PLPPR5: variants seen among roughly 807,000 people sequenced by gnomAD.
PLPPR5 encodes the protein phospholipid phosphatase-related protein type 5.
Under a neutral mutation model 33.9 loss-of-function variants are expected in PLPPR5, and 16 were observed. That is an observed-to-expected ratio of 0.47 (90% CI 0.32 to 0.72). PLPPR5 has a LOEUF of 0.72. Among genes scored for constraint, PLPPR5 ranks in the 30% least tolerant of loss-of-function variants. PLPPR5 has a pLI of 0.03. For synonymous variants in PLPPR5, 163 were observed against 150.3 expected, an observed-to-expected ratio of 1.08 and a Z score of -0.62; for missense variants, 301 against 406.7, an observed-to-expected ratio of 0.74 and a Z score of 2.23.
At chr1:98,911,388 C>A (rs750974163) in intron 5 of PLPPR5, among the ~76,000 whole-genome samples, 3 of 152,116 alleles carry the variant, frequency 2.0e-5, no homozygotes, top group Non-Finnish European at 4.4e-5. Flanking sequence ...TGCCACTTAA[C>A]CTAATATGTA....
chr1:98,941,296 G>T (rs1281453369), intron 3 of PLPPR5, among the ~76,000 whole-genome samples: 1 of 151,726 alleles, frequency 6.6e-6, no homozygotes, highest in Non-Finnish European at 1.5e-5. Context: ...ATAATTAAGA[G>T]TATCTATGCT....
rs140797261 is a variant in PLPPR5, at chr1:98,932,939, T to C, written c.622-10881A>G. On this transcript the variant is annotated intron_variant, in intron 3 of 5. Coordinates refer to ENST00000263177, the MANE Select transcript of PLPPR5 (RefSeq NM_001037317.2). ...ACACTCCTTTATCTGAGCCCTCAAGTAGAGAAGTATTTCAGCATTCAGAAC... is the reference window on the plus strand; with the variant it reads ...ACACTCCTTTATCTGAGCCCTCAAGCAGAGAAGTATTTCAGCATTCAGAAC... 6.0e-3 allele frequency among the ~76,000 whole-genome samples: 916 copies of C among 152,210 alleles called. 5 individuals carry two copies. The highest frequency in any genetic ancestry group is 9.9e-3 in the Non-Finnish European group (675 of 68,000).
intron 3 of PLPPR5, among the ~76,000 whole-genome samples, chr1:98,925,440 G>T (rs931949341): frequency 9.2e-5 from 14 of 152,130 alleles, no homozygotes; most frequent in East Asian, 5.8e-4. Flanking sequence ...CTGATCATTT[G>T]CTCCCTGTTA....
At chr1:98,934,700 C>T (rs1650112874) in intron 3 of PLPPR5, among the ~76,000 whole-genome samples, 1 of 152,204 alleles carries the variant, frequency 6.6e-6, no homozygotes, top group Admixed American at 6.5e-5. Context: ...AAATAGAAGT[C>T]ACGTTGATCA....
intron 5 of PLPPR5, among the ~76,000 whole-genome samples, chr1:98,907,740 T>A (rs1158915530): frequency 6.6e-6 from 1 of 152,130 alleles, no homozygotes. Flanking sequence ...GAGGATGTAG[T>A]TTTATGTCAT....
rs1651677474 is a variant in PLPPR5, at chr1:98,971,940, GT to G, written c.238-15200del. ...TGGTCTCACCACTGGGACCATCTGT[GT>G]TTCTGACTGGTGACAACAATTCAGA... On this transcript the variant is annotated intron_variant, in intron 1 of 5. Transcript: ENST00000263177. Among the ~76,000 whole-genome samples the G allele has an allele frequency of 1.3e-5, 2 of 152,170 alleles. 1 individual carries two copies. Among genetic ancestry groups the G allele is most frequent in the South Asian group, 4.1e-4 (2 of 4,826 alleles).
At chr1:98,903,541 G>A (rs1648779118) in intron 5 of PLPPR5, among the ~76,000 whole-genome samples, 1 of 152,018 alleles carries the variant, frequency 6.6e-6, no homozygotes, top group Non-Finnish European at 1.5e-5. Context: ...TTATACTACA[G>A]TATTTCCTGC....
At chr1:98,947,248 A>G (rs1045502204) in intron 3 of PLPPR5, among the ~76,000 whole-genome samples, 1 of 152,192 alleles carries the variant, frequency 6.6e-6, no homozygotes, top group African/African-American at 2.4e-5. Flanking sequence ...CTGGGAGTAC[A>G]CTAAGTCATT....
chr1:98,929,524 G>C (rs895072119), intron 3 of PLPPR5, among the ~76,000 whole-genome samples: 22 of 152,168 alleles, frequency 1.4e-4, no homozygotes, highest in Non-Finnish European at 2.4e-4. Context: ...AAAACACTAA[G>C]GAGTCACAAA....
chr1:98,911,748 C>T (rs1022583932), intron 5 of PLPPR5, among the ~76,000 whole-genome samples: 7 of 151,848 alleles, frequency 4.6e-5, no homozygotes, highest in African/African-American at 1.7e-4. Context: ...CTATATTTCA[C>T]AACCCTTTTT....
chr1:98,904,959 CTT>C (rs1220729707), intron 5 of PLPPR5, among the ~76,000 whole-genome samples: 2 of 152,200 alleles, frequency 1.3e-5, no homozygotes, highest in African/African-American at 4.8e-5. Flanking sequence ...TAACAGCAGA[CTT>C]TGCCAAATGA....
intron 1 of PLPPR5, among the ~76,000 whole-genome samples, chr1:98,984,216 C>G (rs1374266198): frequency 6.6e-6 from 1 of 151,964 alleles, no homozygotes; most frequent in Non-Finnish European, 1.5e-5. Context: ...GCAGTGCCCG[C>G]CAGCATCAAG....
chr1:98,950,714 T>C (rs1355486147), intron 3 of PLPPR5, among the ~76,000 whole-genome samples: 1 of 152,214 alleles, frequency 6.6e-6, no homozygotes, highest in African/African-American at 2.4e-5. Flanking sequence ...GACAGGGTCT[T>C]GCTCTGTTAC....
chr1:98,919,983 T>A (rs1231886255), intron 4 of PLPPR5, among the ~76,000 whole-genome samples: 1 of 152,180 alleles, frequency 6.6e-6, no homozygotes, highest in Admixed American at 6.5e-5. Flanking sequence ...AATGAATGCA[T>A]AAATGCATTT....
At chr1:98,960,441 T>G (rs1326255839) in intron 1 of PLPPR5, among the ~76,000 whole-genome samples, 2 of 152,122 alleles carry the variant, frequency 1.3e-5, no homozygotes, top group African/African-American at 4.8e-5. Context: ...TCACCTCAGG[T>G]GATCCACCCG....
At chr1:98,932,481 A>C (rs1650014364) in intron 3 of PLPPR5, among the ~76,000 whole-genome samples, 1 of 152,200 alleles carries the variant, frequency 6.6e-6, no homozygotes, top group Admixed American at 6.5e-5. Flanking sequence ...TGTATATCAC[A>C]CTGCTTATAT....
At chr1:98,920,457 A>AG (rs1491467983) in intron 4 of PLPPR5, among the ~76,000 whole-genome samples, 4 of 13,728 alleles carry the variant, frequency 2.9e-4, no homozygotes, top group African/African-American at 5.2e-4. Context: ...GAGTCAATGC[A>AG]AAAAAAAAAA....
chr1:98,976,774 TAG>T (rs1362323582), intron 1 of PLPPR5, among the ~76,000 whole-genome samples: 1 of 152,064 alleles, frequency 6.6e-6, no homozygotes, highest in African/African-American at 2.4e-5. Context: ...TTTGCATATA[TAG>T]AGTTAGTAAA....
chr1:98,914,749 C>T lies in PLPPR5; in HGVS notation c.933+37G>A, dbSNP rs779410458. 2.9e-5 allele frequency: 45 copies of T among 1,558,312 alleles called. No homozygotes were observed. In the Admixed American group the frequency reaches 8.1e-4, roughly 28 times the overall value. ...ATACAGGAATAATGATTCATTTGCT[C>T]TAGTTATTATAATTTAGAATTTAAA... On this transcript the variant is annotated intron_variant, in intron 5 of 5. Coordinates refer to ENST00000263177, the MANE Select transcript of PLPPR5 (RefSeq NM_001037317.2).
Sources: gnomAD v4.1 joint callset for allele counts (sites outside exome capture counted in the v4.1 genomes callset) on GRCh38, gnomAD v4.1.1 for gene constraint, MANE v1.5 for transcripts, NCBI Gene and HGNC (gene_info 2026-07-23, HGNC 2026-07-21) for gene names.